HS1BP3: variants seen among roughly 807,000 people sequenced by gnomAD.
HS1BP3 encodes the protein HCLS1 binding protein 3.
Under a neutral mutation model 33.5 loss-of-function variants are expected in HS1BP3, and 32 were observed. The observed-to-expected ratio is 0.95, with a 90% CI of 0.72 to 1.28. The LOEUF (loss-of-function observed/expected upper bound fraction) is 1.28. Among genes scored for constraint, HS1BP3 ranks in the 50% most tolerant of loss-of-function variants. The pLI, the probability that HS1BP3 is intolerant of heterozygous loss-of-function variation, is 0.00. For missense variants in HS1BP3, 486 were observed against 502.3 expected (o/e 0.97, Z 0.31); for synonymous variants, 187 against 209.2 (o/e 0.89, Z 0.92).
intron 6 of HS1BP3, among the ~76,000 whole-genome samples, chr2:20,619,792 G>A (rs1694539307): frequency 6.6e-6 from 1 of 152,232 alleles, no homozygotes; most frequent in East Asian, 1.9e-4. Context: ...TCGGCCCTTA[G>A]AAGCTGAGCC....
rs568859861 is a variant in HS1BP3 at position 20,631,893 on chromosome 2, A to G, written c.623+6543T>C. 6.6e-5 allele frequency among the ~76,000 whole-genome samples: 10 copies of G among 152,316 alleles called. No homozygotes were observed. The East Asian group carries it at 1.9e-3, about 29-fold the overall frequency. On this transcript the variant is annotated intron_variant, in intron 4 of 6. Coordinates refer to ENST00000304031, the MANE Select transcript of HS1BP3 (RefSeq NM_022460.4). ...CACAAAGGGACAATGGCCAGGCCAC[A>G]TGTAAAGGTGGAACTCTGACCCACA...
At chr2:20,646,253 C>G (rs557297997) in intron 1 of HS1BP3, among the ~76,000 whole-genome samples, 1 of 152,188 alleles carries the variant, frequency 6.6e-6, no homozygotes, top group Non-Finnish European at 1.5e-5. Flanking sequence ...ACATCCCTCA[C>G]GCAAACACCT....
At chr2:20,598,140 A>G in intron 3 of HS1BP3, 1 of 204,754 alleles carries the variant, frequency 4.9e-6, no homozygotes, top group Non-Finnish European at 1.1e-5. Context: ...AGCACATTAC[A>G]TTTTTGGTGC....
Position 20,623,911 on chromosome 2 carries a change from G to A in HS1BP3, c.905C>T (p.Ser302Phe), listed in dbSNP as rs757332523. Residue 302 changes from serine (S) to phenylalanine (F), a missense_variant, in exon 6 of 7, where the codon TCC becomes TTC. Physicochemically the swap from Ser to Phe is radical, Grantham distance 155. Transcript: ENST00000304031. Reference sequence around the variant, plus strand: ...CAGGTGGTACCTGAACAGTTCCTTGGAGGCGTCCCTGTGGCTGAGGCTGGG... The same window carrying A: ...CAGGTGGTACCTGAACAGTTCCTTGAAGGCGTCCCTGTGGCTGAGGCTGGG... Reference protein sequence around the residue: ...PTPSLSHRDASKELFRVEEDL... With the variant: ...PTPSLSHRDAFKELFRVEEDL... 1 of 1,612,306 alleles carries A rather than the reference G, an allele frequency of 6.2e-7. No individual in the cohort carries two copies. The highest frequency in any genetic ancestry group is 2.2e-5 in the East Asian group (1 of 44,868).
downstream of HS1BP3, among the ~76,000 whole-genome samples, chr2:20,614,677 GT>G (rs1694383914): frequency 6.6e-6 from 1 of 152,260 alleles, no homozygotes; most frequent in Non-Finnish European, 1.5e-5. Context: ...TGATTGGCCA[GT>G]TGGCCTGGAG....
chr2:20,556,384 A>G (rs1448029765), downstream of HS1BP3, among the ~76,000 whole-genome samples: 1 of 152,214 alleles, frequency 6.6e-6, no homozygotes, highest in Non-Finnish European at 1.5e-5. Flanking sequence ...TAAGAAGAAA[A>G]TGGTTTCTGC....
chr2:20,594,319 GC>G (rs1454623775), intron 3 of HS1BP3, among the ~76,000 whole-genome samples: 9 of 152,200 alleles, frequency 5.9e-5, no homozygotes, highest in Non-Finnish European at 1.2e-4. Flanking sequence ...GTCTATGGAT[GC>G]CTGATGATAG....
chr2:20,576,604 T>C (rs1387997510), intron 5 of HS1BP3, among the ~76,000 whole-genome samples: 1 of 152,220 alleles, frequency 6.6e-6, no homozygotes, highest in African/African-American at 2.4e-5. Context: ...GCCTCCCTCA[T>C]TGTACTGTAA....
chr2:20,617,941 C>T lies in HS1BP3; in HGVS notation c.*1046G>A, dbSNP rs1481758456. The T allele has an allele frequency of 6.5e-6, 1 of 152,684 alleles. No homozygotes were observed. Among genetic ancestry groups the T allele is most frequent in the Non-Finnish European group, 1.5e-5 (1 of 68,122 alleles). The allele number at this position is 152,684 out of a possible 1,614,324, so 9.5% of individuals were successfully genotyped here. On this transcript the variant is annotated 3_prime_UTR_variant, in exon 7 of 7. Coordinates refer to ENST00000304031, the MANE Select transcript of HS1BP3 (RefSeq NM_022460.4). Reference sequence around the variant, plus strand: ...AGAAGTCTAAGGCACGGGCCCTGCCCTGGCGCACGGCTCCTTCTCCCTGGG... The same window carrying T: ...AGAAGTCTAAGGCACGGGCCCTGCCTTGGCGCACGGCTCCTTCTCCCTGGG...
At chr2:20,567,622 C>T (rs369271855) in intron 5 of HS1BP3, among the ~76,000 whole-genome samples, 5 of 152,182 alleles carry the variant, frequency 3.3e-5, no homozygotes, top group Non-Finnish European at 5.9e-5. Flanking sequence ...GCCACTAGGA[C>T]CCCAAAGAAT....
chr2:20,598,720 G>A (rs1350414060), intron 2 of HS1BP3, among the ~76,000 whole-genome samples: 7 of 151,242 alleles, frequency 4.6e-5, no homozygotes, highest in Non-Finnish European at 8.9e-5. Context: ...CACTACGCCC[G>A]GCTAATTTTT....
intron 2 of HS1BP3, 94 bp downstream of exon 2, chr2:20,645,246 C>T: frequency 7.7e-7 from 1 of 1,302,950 alleles, no homozygotes; most frequent in Non-Finnish European, 1.1e-6. Flanking sequence ...GAAGCACTTG[C>T]TCTGGATGCT....
chr2:20,595,586 ACT>A (rs1292285234), intron 3 of HS1BP3, among the ~76,000 whole-genome samples: 2 of 152,190 alleles, frequency 1.3e-5, no homozygotes, highest in African/African-American at 4.8e-5. Context: ...TGCCTGCCTG[ACT>A]CTCTGCGAAG....
intron 6 of HS1BP3, 174 bp downstream of exon 6, chr2:20,623,722 T>C (rs1694676536): frequency 1.5e-6 from 1 of 666,898 alleles, no homozygotes; most frequent in Non-Finnish European, 2.3e-6. Flanking sequence ...ATCCTCCCCC[T>C]CAGCCCCCTT....
chr2:20,556,000 G>A (rs532826121), downstream of HS1BP3, among the ~76,000 whole-genome samples: 4 of 152,314 alleles, frequency 2.6e-5, no homozygotes, highest in South Asian at 4.2e-4. Flanking sequence ...TAAAAGTGCT[G>A]TAGACAGGTG....
intron 5 of HS1BP3, among the ~76,000 whole-genome samples, chr2:20,580,576 T>C (rs1311266603): frequency 6.6e-6 from 1 of 151,992 alleles, no homozygotes; most frequent in Admixed American, 6.6e-5. Flanking sequence ...AAAAATTAAT[T>C]TGTTAAAAGG....
At chr2:20,554,204 C>T in the HS1BP3 span, among the ~76,000 whole-genome samples, 1 of 152,168 alleles carries the variant, frequency 6.6e-6, no homozygotes, top group African/African-American at 2.4e-5. Flanking sequence ...CATACAACAC[C>T]CTTGAAAAGA....
chr2:20,650,269 G>A (rs895999723), intron 1 of HS1BP3, among the ~76,000 whole-genome samples: 3 of 152,158 alleles, frequency 2.0e-5, no homozygotes, highest in Non-Finnish European at 2.9e-5. Context: ...GAGCAAGGGT[G>A]AAGTGTATGA....
downstream of HS1BP3, among the ~76,000 whole-genome samples, chr2:20,557,592 T>C (rs1050375897): frequency 6.6e-6 from 1 of 152,230 alleles, no homozygotes; most frequent in Non-Finnish European, 1.5e-5. Context: ...AGAGAAGCCA[T>C]CCTTTATCTA....
Sources: allele counts gnomAD v4.1 joint callset (sites outside exome capture counted in the v4.1 genomes callset), GRCh38; gene constraint gnomAD v4.1.1; transcripts MANE v1.5; gene names NCBI Gene and HGNC (gene_info 2026-07-23, HGNC 2026-07-21).